CSMD1: variants seen among roughly 807,000 people sequenced by gnomAD.
The protein encoded by CSMD1 is CUB and sushi domain-containing protein 1.
Under a neutral mutation model 417.5 loss-of-function variants are expected in CSMD1, and 213 were observed. The observed-to-expected ratio is 0.51, with a 90% CI of 0.46 to 0.57. CSMD1 has a LOEUF of 0.57. Ranked by LOEUF, CSMD1 falls within the 20% of genes least tolerant of loss-of-function variation. CSMD1 has a pLI of 0.00. For missense variants in CSMD1, 6,923 were observed against 4,529.7 expected (o/e 1.53, Z -15.17); for synonymous variants, 2,862 against 1,736.8 (o/e 1.65, Z -16.11).
intron 2 of CSMD1, among the ~76,000 whole-genome samples, chr8:4,500,634 G>T (rs1585171302): frequency 6.6e-6 from 1 of 152,052 alleles, no homozygotes; most frequent in Non-Finnish European, 1.5e-5. Context: ...CGGGAGAGAG[G>T]GACGAAAGTG....
At chr8:4,094,214 C>T (rs1800878867) in intron 3 of CSMD1, among the ~76,000 whole-genome samples, 1 of 151,974 alleles carries the variant, frequency 6.6e-6, no homozygotes, top group South Asian at 2.1e-4. Context: ...AGCTTGGCTG[C>T]ACTAGCTGCC....
chr8:4,759,386 T>C (rs1348949426), intron 1 of CSMD1, among the ~76,000 whole-genome samples: 5 of 152,156 alleles, frequency 3.3e-5, no homozygotes, highest in Non-Finnish European at 5.9e-5. Context: ...GAGGCTATTA[T>C]CCAATGGCAT....
At chr8:3,251,784 C>T (rs1251896909) in intron 26 of CSMD1, among the ~76,000 whole-genome samples, 1 of 152,134 alleles carries the variant, frequency 6.6e-6, no homozygotes, top group Non-Finnish European at 1.5e-5. Context: ...CTTCACATCC[C>T]TTGTCAGTTG....
chr8:3,134,185 A>AT (rs1300448648), intron 41 of CSMD1, among the ~76,000 whole-genome samples: 2 of 152,056 alleles, frequency 1.3e-5, no homozygotes, highest in Non-Finnish European at 2.9e-5. Flanking sequence ...AAACAAGAAA[A>AT]AAAAGAGAAA....
intron 2 of CSMD1, among the ~76,000 whole-genome samples, chr8:4,451,204 G>A (rs981352178): frequency 6.6e-6 from 1 of 152,106 alleles, no homozygotes; most frequent in Non-Finnish European, 1.5e-5. Flanking sequence ...TGAGGCATGT[G>A]CCTGTAGTCT....
chr8:4,370,758 T>C (rs181872364), intron 3 of CSMD1, among the ~76,000 whole-genome samples: 375 of 152,346 alleles, frequency 2.5e-3, no homozygotes, highest in Middle Eastern at 6.8e-3. Flanking sequence ...GAAATTCCTG[T>C]GGCAAATTTA....
chr8:2,937,512 C>T lies in CSMD1; in HGVS notation c.*1073G>A, dbSNP rs1183908233. ...TGTGAGCTAAAACCCACAAGTTCAT[C>T]GACTATCTAAAATAAATTACTATTC... On this transcript the variant is annotated 3_prime_UTR_variant, in exon 70 of 70. Coordinates refer to ENST00000635120, the MANE Select transcript of CSMD1 (RefSeq NM_033225.6). The T allele has an allele frequency of 1.3e-5, 2 of 151,412 alleles. No homozygotes were observed. Among genetic ancestry groups the T allele is most frequent in the Non-Finnish European group, 2.9e-5 (2 of 67,918 alleles). 9.4% of individuals were successfully genotyped at this position (151,412 alleles called of 1,614,324 possible).
intron 23 of CSMD1, among the ~76,000 whole-genome samples, chr8:3,309,931 A>G (rs1805194832): frequency 6.6e-6 from 1 of 152,108 alleles, no homozygotes; most frequent in African/African-American, 2.4e-5. Flanking sequence ...CCTTCCATAA[A>G]GTTTCCTTCC....
At chr8:3,817,386 T>G (rs569455023) in intron 5 of CSMD1, among the ~76,000 whole-genome samples, 12 of 148,600 alleles carry the variant, frequency 8.1e-5, no homozygotes, top group African/African-American at 2.0e-4. Flanking sequence ...GTTCAAGTTA[T>G]TCTTCTGCCT....
intron 5 of CSMD1, among the ~76,000 whole-genome samples, chr8:3,821,758 G>A (rs905115597): frequency 5.3e-5 from 8 of 152,070 alleles, no homozygotes; most frequent in Non-Finnish European, 1.0e-4. Context: ...CTCCAGCCTG[G>A]GTGACAGAGT....
At chr8:4,330,684 G>A (rs1230764083) in intron 3 of CSMD1, among the ~76,000 whole-genome samples, 1 of 151,930 alleles carries the variant, frequency 6.6e-6, no homozygotes, top group Non-Finnish European at 1.5e-5. Context: ...ACACTCCTAG[G>A]TGTTTGCTCA....
intron 3 of CSMD1, among the ~76,000 whole-genome samples, chr8:4,317,965 G>A (rs977163245): frequency 6.6e-6 from 1 of 152,074 alleles, no homozygotes; most frequent in African/African-American, 2.4e-5. Flanking sequence ...AAGGTATTTG[G>A]TATTTTATAA....
chr8:4,044,468 G>C (rs780297460), intron 3 of CSMD1, among the ~76,000 whole-genome samples: 3 of 152,256 alleles, frequency 2.0e-5, no homozygotes, highest in African/African-American at 4.8e-5. Flanking sequence ...TTTAACTGGA[G>C]GGTCACATCT....
chr8:4,074,615 C>T (rs1009814721), intron 3 of CSMD1, among the ~76,000 whole-genome samples: 4 of 152,212 alleles, frequency 2.6e-5, no homozygotes, highest in East Asian at 1.9e-4. Flanking sequence ...TACTGTCCTA[C>T]ATTTGGGCAG....
intron 1 of CSMD1, among the ~76,000 whole-genome samples, chr8:4,764,895 C>T (rs954585278): frequency 0.028 from 850 of 30,228 alleles, 10 homozygotes; most frequent in East Asian, 0.12. Context: ...AAAAAAAAAA[C>T]AACAACAACA....
intron 2 of CSMD1, among the ~76,000 whole-genome samples, chr8:4,527,898 A>G (rs992702481): frequency 6.6e-6 from 1 of 152,156 alleles, no homozygotes; most frequent in Non-Finnish European, 1.5e-5. Flanking sequence ...GGGGAAGATA[A>G]GGCAACCTAC....
At chr8:4,122,992 T>A (rs1802571423) in intron 3 of CSMD1, among the ~76,000 whole-genome samples, 1 of 152,206 alleles carries the variant, frequency 6.6e-6, no homozygotes, top group South Asian at 2.1e-4. Flanking sequence ...GGCAAAGACG[T>A]GCCACTGAGC....
chr8:4,386,415 C>T (rs1353654909), intron 3 of CSMD1, among the ~76,000 whole-genome samples: 1 of 152,234 alleles, frequency 6.6e-6, no homozygotes, highest in Non-Finnish European at 1.5e-5. Flanking sequence ...GACTTCCATC[C>T]CACTCAAACA....
At chr8:3,622,262 A>C (rs2449227) in intron 7 of CSMD1, among the ~76,000 whole-genome samples, 111,279 of 152,042 alleles carry the variant, frequency 0.73, 41,119 homozygotes, top group African/African-American at 0.82. Context: ...CTTCTATACT[A>C]CCTCAAGCAA....
Sources: allele counts gnomAD v4.1 joint callset (sites outside exome capture counted in the v4.1 genomes callset), GRCh38; gene constraint gnomAD v4.1.1; transcripts MANE v1.5; gene names NCBI Gene and HGNC (gene_info 2026-07-23, HGNC 2026-07-21).